ITPR2: variants seen among roughly 807,000 people sequenced by gnomAD.
ITPR2 encodes the protein inositol 1,4,5-trisphosphate receptor type 2, also known as inositol 1,4,5-trisphosphate-gated calcium channel ITPR2.
A neutral mutation model predicts 317.1 loss-of-function variants in ITPR2; 207 were observed. That is an observed-to-expected ratio of 0.65 (90% CI 0.58 to 0.73). ITPR2 has a LOEUF of 0.73. Among genes scored for constraint, ITPR2 ranks in the 30% least tolerant of loss-of-function variants. ITPR2 has a pLI of 0.00. For synonymous variants in ITPR2, 1,156 were observed against 1,149.1 expected (o/e 1.01, Z -0.12); for missense variants, 2,613 against 3,284.0 (o/e 0.80, Z 4.99).
At chr12:26,662,584 A>C (rs1027708495) in intron 15 of ITPR2, among the ~76,000 whole-genome samples, 1 of 152,214 alleles carries the variant, frequency 6.6e-6, no homozygotes, top group African/African-American at 2.4e-5. Flanking sequence ...ATTAAGAGAA[A>C]CCCTAATTTA....
rs1591923043 is a variant in ITPR2 at position 26,578,981 on chromosome 12, T to C, written c.4510-148A>G. Reference sequence around the variant, plus strand: ...TGCTAGTTAATAAATATCTCATTCATGAAACATTTATTAGATACTCTCTTC... The same window carrying C: ...TGCTAGTTAATAAATATCTCATTCACGAAACATTTATTAGATACTCTCTTC... On this transcript the variant is annotated intron_variant, in intron 33 of 56. Transcript: ENST00000381340. 10 of 712,306 alleles carry C rather than the reference T, an allele frequency of 1.4e-5. No individual in the cohort carries two copies. The East Asian group carries it at 3.0e-4, about 21-fold the overall frequency. The allele number at this position is 712,306 out of a possible 1,614,324, so 44.1% of individuals were successfully genotyped here. A position where few individuals can be genotyped will look rare whatever the true frequency, so the allele number is the denominator to read the frequency against.
intron 45 of ITPR2, among the ~76,000 whole-genome samples, chr12:26,458,330 T>C (rs1941938257): frequency 6.6e-6 from 1 of 152,044 alleles, no homozygotes; most frequent in Non-Finnish European, 1.5e-5. Flanking sequence ...GTGCCACTCA[T>C]GGAGAAAAGG....
chr12:26,784,172 G>A (rs1950146549), intron 2 of ITPR2, among the ~76,000 whole-genome samples: 1 of 151,492 alleles, frequency 6.6e-6, no homozygotes. Context: ...CAGAGTGGAA[G>A]AGAATTCTAT....
At chr12:26,496,359 C>A (rs1283758010) in intron 37 of ITPR2, among the ~76,000 whole-genome samples, 1 of 152,178 alleles carries the variant, frequency 6.6e-6, no homozygotes, top group East Asian at 1.9e-4. Context: ...TCTCATTGCT[C>A]ATTCACTTTC....
intron 9 of ITPR2, among the ~76,000 whole-genome samples, chr12:26,703,458 T>C (rs1042036054): frequency 6.6e-6 from 1 of 152,170 alleles, no homozygotes; most frequent in Non-Finnish European, 1.5e-5. Flanking sequence ...TCTCAACCCT[T>C]AGCATTACTG....
chr12:26,517,484 A>G (rs994941109), intron 37 of ITPR2, among the ~76,000 whole-genome samples: 32 of 152,340 alleles, frequency 2.1e-4, no homozygotes, highest in Admixed American at 3.9e-4. Context: ...AATGTAAATC[A>G]AAACCACAAT....
At chr12:26,464,690 A>G (rs540939374) in intron 45 of ITPR2, among the ~76,000 whole-genome samples, 17 of 152,128 alleles carry the variant, frequency 1.1e-4, no homozygotes, top group Non-Finnish European at 2.9e-5. Context: ...GTAAAACCTA[A>G]CTCCTGCCTT....
chr12:26,728,869 T>C (rs899149656), intron 2 of ITPR2, among the ~76,000 whole-genome samples: 5 of 152,194 alleles, frequency 3.3e-5, no homozygotes, highest in Middle Eastern at 3.2e-3. Flanking sequence ...GATGAAGAGA[T>C]GACTAAATCC....
At chr12:26,612,860 G>A (rs1456017625) in intron 26 of ITPR2, among the ~76,000 whole-genome samples, 1 of 152,154 alleles carries the variant, frequency 6.6e-6, no homozygotes, top group Non-Finnish European at 1.5e-5. Context: ...GCTTATTCTT[G>A]AACTTTACTT....
chr12:26,748,594 TTGTC>T (rs1949364731), intron 2 of ITPR2, among the ~76,000 whole-genome samples: 1 of 151,766 alleles, frequency 6.6e-6, no homozygotes, highest in South Asian at 2.1e-4. Context: ...GACTTCTAAA[TTGTC>T]TGCAGAACAT....
chr12:26,761,480 G>A (rs1239839143), intron 2 of ITPR2, among the ~76,000 whole-genome samples: 2 of 152,180 alleles, frequency 1.3e-5, no homozygotes, highest in African/African-American at 4.8e-5. Flanking sequence ...CTGATAAAGA[G>A]GTCAAAATAA....
chr12:26,664,006 T>TTTCTGATC (rs1312813931), intron 14 of ITPR2, among the ~76,000 whole-genome samples, 160 bp from the exon 15 acceptor site: 1 of 152,098 alleles, frequency 6.6e-6, no homozygotes, highest in Non-Finnish European at 1.5e-5. Context: ...GACCAACATA[T>TTTCTGATC]CAAGGATCAG....
In ITPR2 at chr12:26,769,027, C is replaced by CACACACACACACACACA. The variant is rs55797555; in HGVS notation, c.163+21129_163+21130insTGTGTGTGTGTGTGTGT. On this transcript the variant is annotated intron_variant, in intron 2 of 56. Transcript: ENST00000381340. ...CACACACACACACACACACACACAC[C>CACACACACACACACACA]CCAATCTCAGCCACATAGTAAAACA... Among the ~76,000 whole-genome samples, 474 of 112,322 alleles carry CACACACACACACACACA rather than the reference C, an allele frequency of 4.2e-3. 9 individuals are homozygous for CACACACACACACACACA. Among genetic ancestry groups the CACACACACACACACACA allele is most frequent in the Non-Finnish European group, 5.5e-3 (319 of 58,152 alleles). 73.7% of individuals were successfully genotyped at this position (112,322 alleles called of 152,430 possible).
chr12:26,362,977 T>C (rs902253461), intron 55 of ITPR2, among the ~76,000 whole-genome samples: 3 of 152,196 alleles, frequency 2.0e-5, no homozygotes, highest in Non-Finnish European at 2.9e-5. Context: ...TACACAGTTA[T>C]GGCAGCATCA....
intron 34 of ITPR2, among the ~76,000 whole-genome samples, chr12:26,568,006 T>A (rs11048584): frequency 6.7e-4 from 5 of 7,514 alleles, no homozygotes; most frequent in East Asian, 8.7e-4. Flanking sequence ...ATTATATATA[T>A]TATATATATA....
Position 26,819,092 on chromosome 12 carries a change from A to G in ITPR2, c.92+13598T>C, listed in dbSNP as rs369800518. Among the ~76,000 whole-genome samples, 3 of 152,234 alleles carry G rather than the reference A, an allele frequency of 2.0e-5. No homozygotes were observed. In the East Asian group the frequency reaches 5.8e-4, roughly 29 times the overall value. ...AATATCTAGCAAAGAGCATTATAGG[A>G]TGTTAGAACCAGAAGAAATCAAAAT... is the stretch of plus-strand genomic sequence containing the variant. On this transcript the variant is annotated intron_variant, in intron 1 of 56. Coordinates refer to ENST00000381340, the MANE Select transcript of ITPR2 (RefSeq NM_002223.4).
At chr12:26,620,727 A>G (rs1946473391) in intron 26 of ITPR2, among the ~76,000 whole-genome samples, 1 of 151,836 alleles carries the variant, frequency 6.6e-6, no homozygotes, top group Non-Finnish European at 1.5e-5. Context: ...GGATATGCAT[A>G]ATGATAGGAA....
intron 9 of ITPR2, among the ~76,000 whole-genome samples, chr12:26,701,735 G>C (rs1948449696): frequency 6.6e-6 from 1 of 152,150 alleles, no homozygotes; most frequent in South Asian, 2.1e-4. Context: ...AGTTTCTTGA[G>C]TACTGGGTTT....
In ITPR2 at chr12:26,479,029, T is replaced by A. The variant is rs193293485; in HGVS notation, c.6124-2022A>T. On this transcript the variant is annotated intron_variant, in intron 43 of 56. Coordinates refer to ENST00000381340, the MANE Select transcript of ITPR2 (RefSeq NM_002223.4). ...ATTTAAAGTACCCTATGCAAGGAAG[T>A]CCCTTAAATTTACTAATATATATTA... 3.5e-4 allele frequency among the ~76,000 whole-genome samples: 53 copies of A among 151,614 alleles called. No homozygotes were observed. The East Asian group carries it at 6.9e-3, about 20-fold the overall frequency.
Sources: gnomAD v4.1 joint callset for allele counts (sites outside exome capture counted in the v4.1 genomes callset) on GRCh38, gnomAD v4.1.1 for gene constraint, MANE v1.5 for transcripts, NCBI Gene and HGNC (gene_info 2026-07-23, HGNC 2026-07-21) for gene names.